The following CENPM variants were observed in gnomAD, a reference collection of about 807,000 sequenced individuals.
CENPM encodes the protein centromere protein M.
CENPM carries 14 observed loss-of-function variants against 19.6 expected under a neutral mutation model. The observed-to-expected ratio is 0.71, with a 90% CI of 0.47 to 1.11. CENPM has a LOEUF of 1.11. CENPM is among the 50% of genes most tolerant of loss of function. The pLI is 0.00. For synonymous variants in CENPM, 114 were observed against 101.5 expected (o/e 1.12, Z -0.74); for missense variants, 239 against 228.4 (o/e 1.05, Z -0.30).
the CENPM span, among the ~76,000 whole-genome samples, chr22:41,931,655 C>T: frequency 0.058 from 8,828 of 152,238 alleles, 308 homozygotes; most frequent in Non-Finnish European, 0.079. Context: ...GGGCAAGGGC[C>T]CTCTCAAGAT....
intron 2 of CENPM, 194 bp from the exon 3 acceptor site, chr22:41,946,199 G>C (rs899646213): frequency 7.7e-6 from 5 of 653,196 alleles, no homozygotes; most frequent in Non-Finnish European, 1.3e-5. Flanking sequence ...GATTACTCCT[G>C]TCTGATTCCC....
the CENPM span, among the ~76,000 whole-genome samples, chr22:41,930,946 C>T: frequency 2.6e-5 from 4 of 151,378 alleles, no homozygotes; most frequent in Admixed American, 6.6e-5. Flanking sequence ...AAGCGATTCT[C>T]GTGCCTCAGC....
downstream of CENPM, among the ~76,000 whole-genome samples, chr22:41,937,755 C>T (rs2077689904): frequency 6.6e-6 from 1 of 152,082 alleles, no homozygotes; most frequent in Non-Finnish European, 1.5e-5. Context: ...AAACAAGCTC[C>T]AAGAGGCAAC....
At chr22:41,946,205 T>C in intron 2 of CENPM, 200 bp from the exon 3 acceptor site, 1 of 650,048 alleles carries the variant, frequency 1.5e-6, no homozygotes, top group Non-Finnish European at 2.7e-6. Flanking sequence ...TCCTGTCTGA[T>C]TCCCTCTGCC....
chr22:41,930,631 G>C, the CENPM span, among the ~76,000 whole-genome samples: 1 of 151,978 alleles, frequency 6.6e-6, no homozygotes, highest in African/African-American at 2.4e-5. Context: ...CGATTCTCCT[G>C]CCTCAGCCTC....
At chr22:41,934,343 G>A (rs535944971), downstream of CENPM, among the ~76,000 whole-genome samples, 8 of 152,324 alleles carry the variant, frequency 5.3e-5, no homozygotes, top group South Asian at 1.7e-3. Context: ...GAATGAGGGG[G>A]ACAAATGAGT....
intron 4 of CENPM, chr22:41,944,060 CG>C: frequency 1.0e-6 from 1 of 977,074 alleles, no homozygotes; most frequent in Non-Finnish European, 1.2e-6. Context: ...TCATGCATGC[CG>C]GAGTGACACT....
chr22:41,942,340 G>A (rs1270661065), intron 5 of CENPM, among the ~76,000 whole-genome samples: 1 of 152,186 alleles, frequency 6.6e-6, no homozygotes, highest in Non-Finnish European at 1.5e-5. Context: ...GCCAGGCTCC[G>A]TGGCTCGCTC....
intron 5 of CENPM, among the ~76,000 whole-genome samples, chr22:41,943,178 G>A (rs2077758218): frequency 2.0e-5 from 3 of 152,156 alleles, no homozygotes; most frequent in Admixed American, 2.0e-4. Flanking sequence ...CTGACTCCCA[G>A]AGGACACAAG....
At chr22:41,932,498 T>C in the CENPM span, among the ~76,000 whole-genome samples, 1 of 152,184 alleles carries the variant, frequency 6.6e-6, no homozygotes, top group East Asian at 1.9e-4. The surrounding 1 kb of genome is among the most constrained non-coding windows in gnomAD (Gnocchi z 4.3). Flanking sequence ...AATCCTTGCC[T>C]GGGTCTTCAT....
chr22:41,946,514 G>A lies in CENPM; in HGVS notation c.58-18C>T, dbSNP rs896268102. The A allele has an allele frequency of 3.1e-6, 5 of 1,610,510 alleles. No homozygotes were observed. The highest frequency in any genetic ancestry group is 1.7e-4 in the Middle Eastern group (1 of 5,808). ...CCCACCAGCTGCGCAGGGAGAGAGA[G>A]CGGACAGTCGAGCCCTAGGCACAGC... On this transcript the variant is annotated intron_variant, in intron 1 of 5. Transcript: ENST00000215980.
At chr22:41,946,974 C>T in intron 1 of CENPM, 46 bp downstream of exon 1, 3 of 1,600,988 alleles carry the variant, frequency 1.9e-6, no homozygotes, top group Non-Finnish European at 1.7e-6. Flanking sequence ...TGAAGCACCG[C>T]CCAGGAGGAA....
chr22:41,945,116 T>C (rs1569427982), intron 4 of CENPM, 109 bp downstream of exon 4: 1 of 1,571,888 alleles, frequency 6.4e-7, no homozygotes, highest in East Asian at 2.3e-5. Flanking sequence ...CCAGTGTGTG[T>C]AAAATACATG....
intron 1 of CENPM, 124 bp from the exon 2 acceptor site, chr22:41,946,620 C>T (rs1180927075): frequency 6.4e-6 from 5 of 781,170 alleles, no homozygotes; most frequent in African/African-American, 1.7e-5. Flanking sequence ...GAGGACATTT[C>T]CCGAGAAGTG....
intron 5 of CENPM, among the ~76,000 whole-genome samples, chr22:41,939,515 G>A (rs1307903314): frequency 1.3e-5 from 2 of 152,142 alleles, no homozygotes; most frequent in Non-Finnish European, 2.9e-5. Context: ...CTCCAGAGCT[G>A]AGCTCTGAAT....
chr22:41,927,709 G>A, the CENPM span, among the ~76,000 whole-genome samples: 3 of 152,040 alleles, frequency 2.0e-5, no homozygotes. Flanking sequence ...CATTTGGCCA[G>A]GCTGGTCTCG....
chr22:41,943,554 A>G, intron 5 of CENPM, 56 bp downstream of exon 5: 5 of 1,495,406 alleles, frequency 3.3e-6, no homozygotes, highest in Non-Finnish European at 4.6e-6. Context: ...CTGTGTGCTG[A>G]CCACCCTTTC....
chr22:41,928,892 G>T, the CENPM span, among the ~76,000 whole-genome samples: 1 of 152,108 alleles, frequency 6.6e-6, no homozygotes, highest in Non-Finnish European at 1.5e-5. This position sits in a 1 kb window ranked among gnomAD's most constrained non-coding sequence, Gnocchi z 4.0. Context: ...GCCATGGAGT[G>T]AGGGGAGCAA....
At chr22:41,932,331 T>C in the CENPM span, among the ~76,000 whole-genome samples, 10 of 152,232 alleles carry the variant, frequency 6.6e-5, no homozygotes, top group Admixed American at 2.6e-4. The surrounding 1 kb of genome is among the most constrained non-coding windows in gnomAD (Gnocchi z 4.3). Flanking sequence ...CCTCGGTTCA[T>C]TGGGAGAGGG....
Sources: gnomAD v4.1 joint callset for allele counts (sites outside exome capture counted in the v4.1 genomes callset) on GRCh38, gnomAD v4.1.1 for gene constraint, Gnocchi (gnomAD v3.1) non-coding constraint, MANE v1.5 for transcripts, NCBI Gene and HGNC (gene_info 2026-07-23, HGNC 2026-07-21) for gene names.